Variants in DNAI4 observed in about 807,000 individuals in gnomAD.
DNAI4 encodes the protein WD repeat domain 78.
DNAI4 carries 85 observed loss-of-function variants against 105.8 expected under a neutral mutation model. The observed-to-expected ratio is 0.80, with a 90% CI of 0.67 to 0.96. The LOEUF (loss-of-function observed/expected upper bound fraction) is 0.96. Ranked by LOEUF, DNAI4 falls within the 40% of genes least tolerant of loss-of-function variation. The pLI, the probability that DNAI4 is intolerant of heterozygous loss-of-function variation, is 0.00. For synonymous variants in DNAI4, 352 were observed against 331.5 expected (o/e 1.06, Z -0.67); for missense variants, 1,014 against 1,005.6 (o/e 1.01, Z -0.11).
rs186668971 is a variant in DNAI4 at position 66,822,029 on chromosome 1, A to C, written c.2496+332T>G. 2.0e-5 allele frequency among the ~76,000 whole-genome samples: 3 copies of C among 152,290 alleles called. No homozygotes were observed. The East Asian group carries it at 5.8e-4, about 29-fold the overall frequency. ...TTATTTTATGTAACAATCTTTTAATACATGATGTAAACTTCTTTGAATATC... is the reference window on the plus strand; with the variant it reads ...TTATTTTATGTAACAATCTTTTAATCCATGATGTAAACTTCTTTGAATATC... On this transcript the variant is annotated intron_variant, in intron 16 of 16. Coordinates refer to ENST00000371026, the MANE Select transcript of DNAI4 (RefSeq NM_024763.5).
At chr1:66,882,223 T>G (rs755509513) in intron 4 of DNAI4, among the ~76,000 whole-genome samples, 2 of 152,252 alleles carry the variant, frequency 1.3e-5, no homozygotes, top group Non-Finnish European at 2.9e-5. Context: ...AAAAGTCCGT[T>G]ATGATCTATT....
At chr1:66,835,937 T>G (rs1572616697) in intron 10 of DNAI4, among the ~76,000 whole-genome samples, 160 bp from the exon 11 acceptor site, 1 of 151,860 alleles carries the variant, frequency 6.6e-6, no homozygotes, top group Non-Finnish European at 1.5e-5. Flanking sequence ...TAGAAAATAA[T>G]AAAACCTCAC....
intron 1 of DNAI4, among the ~76,000 whole-genome samples, chr1:66,905,606 T>C (rs1649182327): frequency 6.6e-6 from 1 of 152,198 alleles, no homozygotes; most frequent in Non-Finnish European, 1.5e-5. Context: ...AATATTATTT[T>C]ATATAAAGCC....
chr1:66,874,987 T>C (rs758709350), intron 4 of DNAI4, 50 bp from the exon 5 acceptor site: 1 of 1,523,278 alleles, frequency 6.6e-7, no homozygotes, highest in South Asian at 1.3e-5. Flanking sequence ...TATTTTTAAT[T>C]TGCATTTTTC....
chr1:66,865,855 G>A (rs1327000010), intron 6 of DNAI4, among the ~76,000 whole-genome samples: 1 of 152,204 alleles, frequency 6.6e-6, no homozygotes, highest in African/African-American at 2.4e-5. Context: ...GGCCAGAAGT[G>A]TTAATTTAGC....
At chr1:66,895,922 TTTGTTG>T (rs535498968) in intron 2 of DNAI4, among the ~76,000 whole-genome samples, 48 of 152,090 alleles carry the variant, frequency 3.2e-4, no homozygotes, top group African/African-American at 7.7e-4. Flanking sequence ...GTATTAAGCA[TTTGTTG>T]TTGTTGTTGT....
At position 66,822,517 on chromosome 1, in the gene DNAI4, A is replaced by T. The variant is rs1236231427; in HGVS notation, c.2340T>A (p.Thr780=). 12 of 1,581,048 alleles carry T rather than the reference A, an allele frequency of 7.6e-6. No individual in the cohort carries two copies. Among genetic ancestry groups the T allele is most frequent in the Admixed American group, 3.8e-5 (2 of 52,244 alleles). Residue 780 remains threonine (T), a splice_region_variant and synonymous_variant, in exon 16 of 17, where the codon ACT becomes ACA. Transcript: ENST00000371026. ...RVEIWDLHIS[T]LDPLIVNTAN... ...CAGTATTCACAATCAGAGGGTCCAA[A>T]CTGTAATGAAATATTTTATTTGTAA...
At chr1:66,876,046 T>C (rs1017626744) in intron 4 of DNAI4, among the ~76,000 whole-genome samples, 1 of 152,108 alleles carries the variant, frequency 6.6e-6, no homozygotes, top group Non-Finnish European at 1.5e-5. Context: ...AAATCTTCTT[T>C]AGTTTTGGGT....
chr1:66,864,098 G>T (rs1259712415), intron 6 of DNAI4, among the ~76,000 whole-genome samples: 1 of 152,128 alleles, frequency 6.6e-6, no homozygotes, highest in Non-Finnish European at 1.5e-5. Context: ...CTTATTTGTA[G>T]ATAACAAATT....
At chr1:66,905,793 T>C (rs1037462523) in intron 1 of DNAI4, among the ~76,000 whole-genome samples, 1 of 152,168 alleles carries the variant, frequency 6.6e-6, no homozygotes, top group African/African-American at 2.4e-5. Flanking sequence ...TTTTGTATTA[T>C]GGTTAGTAAG....
At chr1:66,922,076 A>T (rs1650528915) in intron 1 of DNAI4, among the ~76,000 whole-genome samples, 1 of 151,890 alleles carries the variant, frequency 6.6e-6, no homozygotes, top group South Asian at 2.1e-4. Flanking sequence ...TGTTTTGTAG[A>T]AATGGGGGTT....
intron 13 of DNAI4, among the ~76,000 whole-genome samples, chr1:66,832,230 T>C (rs970603877): frequency 1.3e-5 from 2 of 152,118 alleles, no homozygotes; most frequent in African/African-American, 4.8e-5. Context: ...GTAGTAAAAG[T>C]AAAAAATAAG....
At chr1:66,872,664 T>G (rs931091360) in intron 5 of DNAI4, among the ~76,000 whole-genome samples, 5 of 152,078 alleles carry the variant, frequency 3.3e-5, no homozygotes, top group Non-Finnish European at 5.9e-5. Flanking sequence ...AAATATTTTT[T>G]CTATTTTTAT....
chr1:66,846,099 G>A (rs1646269974), intron 8 of DNAI4, among the ~76,000 whole-genome samples: 1 of 152,008 alleles, frequency 6.6e-6, no homozygotes, highest in African/African-American at 2.4e-5. Context: ...TGTGCCAACA[G>A]TAACATTTAC....
Position 66,814,195 on chromosome 1 carries a change from T to C in DNAI4, c.2497-15A>G. On this transcript the variant is annotated splice_polypyrimidine_tract_variant and intron_variant, in intron 16 of 16. Coordinates refer to ENST00000371026, the MANE Select transcript of DNAI4 (RefSeq NM_024763.5). ...ATTATATCTCCCTGAAAAAAAAAAG[T>C]CACACAATTACAATGCAATAAAATG... The C allele has an allele frequency of 6.4e-7, 1 of 1,571,142 alleles. No homozygotes were observed. Among genetic ancestry groups the C allele is most frequent in the Non-Finnish European group, 8.6e-7 (1 of 1,164,550 alleles).
chr1:66,822,474 A>ACTTGATTC lies in DNAI4; in HGVS notation c.2375_2382dup (p.Phe795GlufsTer18). The ACTTGATTC allele has an allele frequency of 1.2e-6, 2 of 1,612,812 alleles. No individual in the cohort carries two copies. Among genetic ancestry groups the ACTTGATTC allele is most frequent in the Non-Finnish European group, 1.7e-6 (2 of 1,179,476 alleles). On this transcript the variant is annotated frameshift_variant, in exon 16 of 17. Transcript: ENST00000371026. LOFTEE classifies it high-confidence loss of function. Reference sequence around the variant, plus strand: ...TGTTTGGCAAAGAGAATGGTTGTGAACTTGATTCCAGGGTTAGCAGTATTC... The same window carrying ACTTGATTC: ...TGTTTGGCAAAGAGAATGGTTGTGAACTTGATTCCTTGATTCCAGGGTTAGCAGTATTC...
chr1:66,848,455 A>AT (rs1424933443), intron 7 of DNAI4: 7 of 355,022 alleles, frequency 2.0e-5, no homozygotes, highest in Non-Finnish European at 2.7e-5. Context: ...ACACATTCAC[A>AT]GGTTCCAGGG....
At chr1:66,866,602 CT>C (rs1400969422) in intron 6 of DNAI4, among the ~76,000 whole-genome samples, 2 of 152,046 alleles carry the variant, frequency 1.3e-5, no homozygotes, top group Non-Finnish European at 2.9e-5. Flanking sequence ...TTGTCTTCTT[CT>C]TTTTTGTTTC....
At position 66,836,198 on chromosome 1, in the gene DNAI4, AAGAAAG is replaced by A. The variant is rs1645993087; in HGVS notation, c.1582-427_1582-422del. On this transcript the variant is annotated intron_variant, in intron 10 of 16. Coordinates refer to ENST00000371026, the MANE Select transcript of DNAI4 (RefSeq NM_024763.5). Reference sequence around the variant, plus strand: ...AAAGAAAGAAAGAAAGAAAGAAAGAAAGAAAGAAAGAGAGAGAGAGAGAGAGAGAGA... The same window carrying A: ...AAAGAAAGAAAGAAAGAAAGAAAGAAAAAGAGAGAGAGAGAGAGAGAGAGA... Among the ~76,000 whole-genome samples the A allele has an allele frequency of 1.4e-4, 9 of 62,944 alleles. 1 individual carries two copies. The Admixed American group carries it at 1.4e-3, about 10-fold the overall frequency. 41.3% of individuals were successfully genotyped at this position (62,944 alleles called of 152,430 possible). A position where few individuals can be genotyped will look rare whatever the true frequency, so the allele number is the denominator to read the frequency against.
Sources: gnomAD v4.1 joint callset for allele counts (sites outside exome capture counted in the v4.1 genomes callset) on GRCh38, gnomAD v4.1.1 for gene constraint, MANE v1.5 for transcripts, NCBI Gene and HGNC (gene_info 2026-07-23, HGNC 2026-07-21) for gene names.